The following SHANK1 variants were observed in gnomAD, a reference collection of about 807,000 sequenced individuals.
SHANK1 encodes SH3 and multiple ankyrin repeat domains protein 1.
In SHANK1, 35 loss-of-function variants were observed where a neutral mutation model predicts 165.6. The ratio of observed to expected loss-of-function variants is 0.21; its 90% CI spans 0.16 to 0.28. The LOEUF (loss-of-function observed/expected upper bound fraction) is 0.28, where lower values mean the gene tolerates loss of function less well. Among genes scored for constraint, SHANK1 ranks in the 10% least tolerant of loss-of-function variants. SHANK1 has a pLI of 1.00. For missense variants in SHANK1, 2,681 were observed against 3,036.4 expected (o/e 0.88, Z 2.75); for synonymous variants, 1,428 against 1,384.8 (o/e 1.03, Z -0.69).
In SHANK1 at chr19:50,686,867, C is replaced by A; in HGVS notation, c.2390-55G>T. The A allele has an allele frequency of 6.2e-7, 1 of 1,600,602 alleles. No individual in the cohort carries two copies. Among genetic ancestry groups the A allele is most frequent in the East Asian group, 2.3e-5 (1 of 44,354 alleles). On this transcript the variant is annotated intron_variant, in intron 19 of 23. Transcript: ENST00000293441. The surrounding 1 kb of genome is among the most constrained non-coding windows in gnomAD (Gnocchi z 5.7). ...GGGAGCCCCCGGGGGCGGGGCGGAGCGGGCTCGGCCTGTGGGCGTGGCCAG... is the reference window on the plus strand; with the variant it reads ...GGGAGCCCCCGGGGGCGGGGCGGAGAGGGCTCGGCCTGTGGGCGTGGCCAG...
chr19:50,669,111 CGAGGGGAGGGGG>C lies in SHANK1; in HGVS notation c.2837_2848del (p.Thr946_Pro949del). ...AGAGCCAGGGTTGAAGGGCCCTCCC[CGAGGGGAGGGGG>C]TGAGGCGCCCTGAGGAGGAGGGGAC... On this transcript the variant is annotated inframe_deletion, in exon 23 of 24. Transcript: ENST00000293441. The C allele has an allele frequency of 6.7e-7, 1 of 1,483,926 alleles. No individual in the cohort carries two copies. The highest frequency in any genetic ancestry group is 9.0e-7 in the Non-Finnish European group (1 of 1,115,510). The allele number at this position is 1,483,926 out of a possible 1,614,324, so 91.9% of individuals were successfully genotyped here. A position where few individuals can be genotyped will look rare whatever the true frequency, so the allele number is the denominator to read the frequency against.
rs997254579 is a variant in SHANK1 at position 50,697,319 on chromosome 19, C to T, written c.1938-197G>A. ...GCCTCCAGCCAGCCAGACATAAGAG[C>T]GCCCCGGCCCCCCCAGGCATCCCCA... On this transcript the variant is annotated intron_variant, in intron 14 of 23. Transcript: ENST00000293441. This position sits in a 1 kb window ranked among gnomAD's most constrained non-coding sequence, Gnocchi z 4.7. 4.1e-5 allele frequency among the ~76,000 whole-genome samples: 6 copies of T among 148,132 alleles called. No homozygotes were observed. The highest frequency in any genetic ancestry group is 4.3e-4 in the South Asian group (2 of 4,642).
In SHANK1 at chr19:50,704,231, A is replaced by T. The variant is rs1348618981; in HGVS notation, c.1156-45T>A. On this transcript the variant is annotated intron_variant, in intron 9 of 23. Coordinates refer to ENST00000293441, the MANE Select transcript of SHANK1 (RefSeq NM_016148.5). ...GCAGGTCGGCCAGGGGGGCCCAGGC[A>T]GCAGAGAGAGGGCAGGGAACGTGGC... 1.9e-6 allele frequency: 3 copies of T among 1,583,154 alleles called. No homozygotes were observed. The African/African-American group carries it at 4.0e-5, about 21-fold the overall frequency.
At chr19:50,696,150 C>T (rs147922249) in intron 15 of SHANK1, among the ~76,000 whole-genome samples, 2,159 of 152,218 alleles carry the variant, frequency 0.014, 27 homozygotes, top group Middle Eastern at 0.021. Context: ...CTGAGGGTGA[C>T]GGGGACCACC....
At chr19:50,711,305 G>T in intron 8 of SHANK1, 66 bp downstream of exon 8, 2 of 1,043,096 alleles carry the variant, frequency 1.9e-6, no homozygotes, top group Non-Finnish European at 2.9e-6. Context: ...GAGTGTCTGA[G>T]CTTGGCCCTG....
At position 50,686,585 on chromosome 19, in the gene SHANK1, A is replaced by G. The variant is rs1487505654; in HGVS notation, c.2458+159T>C. Among the ~76,000 whole-genome samples, 1 of 150,142 alleles carries G rather than the reference A, an allele frequency of 6.7e-6. No homozygotes were observed. Among genetic ancestry groups the G allele is most frequent in the Non-Finnish European group, 1.5e-5 (1 of 67,528 alleles). ...AAGGGGTGCGGGCAGGGAACGGGGC[A>G]GCCGTCGGGAGAGGGCGGGCGGAGG... On this transcript the variant is annotated intron_variant, in intron 20 of 23. Coordinates refer to ENST00000293441, the MANE Select transcript of SHANK1 (RefSeq NM_016148.5). This position sits in a 1 kb window ranked among gnomAD's most constrained non-coding sequence, Gnocchi z 5.7.
Position 50,668,881 on chromosome 19 carries a change from C to T in SHANK1, c.3079G>A (p.Glu1027Lys), listed in dbSNP as rs1985679262. ...HAHPPHPPEM[E>K]TGGSPDDPPP... ...GGGTCGTCGGGAGAGCCGCCTGTCT[C>T]CATCTCGGGAGGATGAGGGGGGTGG... The change falls in exon 23 of 24, where the codon GAG (glutamate) becomes AAG (lysine). Residue 1027 changes from glutamate to lysine, a missense_variant. Physicochemically the swap from Glu to Lys is moderately conservative, Grantham distance 56 (BLOSUM62 1). This residue lies in a region of SHANK1 where 1,713 missense variants were observed against 1,630.2 expected (regional missense o/e 1.05). Coordinates refer to ENST00000293441, the MANE Select transcript of SHANK1 (RefSeq NM_016148.5). The T allele has an allele frequency of 4.6e-6, 6 of 1,301,316 alleles. No individual in the cohort carries two copies. Among genetic ancestry groups the T allele is most frequent in the Non-Finnish European group, 5.8e-6 (6 of 1,031,036 alleles). 80.6% of individuals were successfully genotyped at this position (1,301,316 alleles called of 1,614,324 possible).
rs1360819942 is a variant in SHANK1 at position 50,668,606 on chromosome 19, G to C, written c.3354C>G (p.Gly1118=). The C allele has an allele frequency of 7.3e-7, 1 of 1,371,490 alleles. No homozygotes were observed. The highest frequency in any genetic ancestry group is 9.5e-7 in the Non-Finnish European group (1 of 1,058,132). 85.0% of individuals were successfully genotyped at this position (1,371,490 alleles called of 1,614,324 possible). A position where few individuals can be genotyped will look rare whatever the true frequency, so the allele number is the denominator to read the frequency against. The change falls in exon 23 of 24, where the codon GGC becomes GGG. Residue 1118 remains glycine (G), a synonymous_variant. Transcript: ENST00000293441. The part of the protein sequence containing the change: ...GPLVKQTKVE[G]EPQKGGGLPP... ...GGAGGCCGCCGCCCTTCTGGGGCTC[G>C]CCTTCCACCTTGGTCTGCTTGACCA...
chr19:50,707,362 T>C (rs2088952473), intron 8 of SHANK1, among the ~76,000 whole-genome samples: 1 of 152,180 alleles, frequency 6.6e-6, no homozygotes, highest in Non-Finnish European at 1.5e-5. Context: ...AGCTCAACTC[T>C]ACCCCAGCGC....
rs1316322886 is a variant in SHANK1 at position 50,716,928 on chromosome 19, CACGGGGCGACGGGGG to C, written c.-24_-10del. 1 of 1,424,158 alleles carries C rather than the reference CACGGGGCGACGGGGG, an allele frequency of 7.0e-7. No homozygotes were observed. The highest frequency in any genetic ancestry group is 1.4e-5 in the African/African-American group (1 of 69,080). The allele number at this position is 1,424,158 out of a possible 1,614,324, so 88.2% of individuals were successfully genotyped here. A position where few individuals can be genotyped will look rare whatever the true frequency, so the allele number is the denominator to read the frequency against. ...GCGGGGCTGTGGGTCATTGTGGGGC[CACGGGGCGACGGGGG>C]ACGGCAGCATCACAGGCGGCTGCAG... On this transcript the variant is annotated 5_prime_UTR_variant, in exon 2 of 24. Transcript: ENST00000293441. The surrounding 1 kb of genome is among the most constrained non-coding windows in gnomAD (Gnocchi z 8.4).
In SHANK1 at chr19:50,711,929, G is replaced by A; in HGVS notation, c.960+18C>T. 1 of 1,613,844 alleles carries A rather than the reference G, an allele frequency of 6.2e-7. No individual in the cohort carries two copies. The highest frequency in any genetic ancestry group is 8.5e-7 in the Non-Finnish European group (1 of 1,179,996). On this transcript the variant is annotated intron_variant, in intron 7 of 23. Transcript: ENST00000293441. The stretch of plus-strand genomic sequence containing the variant: ...TGGGTCCCCCACCCCAGCCCTTCAT[G>A]GCCTGAATCAGGAGCACCTGGTGGA...
intron 21 of SHANK1, among the ~76,000 whole-genome samples, chr19:50,675,830 C>T (rs949087057): frequency 1.9e-4 from 29 of 152,066 alleles, no homozygotes; most frequent in Admixed American, 1.9e-3. Flanking sequence ...GGTGAAACCC[C>T]ATCTCTACTA....
rs752183166 is a variant in SHANK1 at position 50,668,374 on chromosome 19, A to AGCCGCC, written c.3580_3585dup (p.Gly1194_Gly1195dup). 7.9e-6 allele frequency: 10 copies of AGCCGCC among 1,269,040 alleles called. No homozygotes were observed. Among genetic ancestry groups the AGCCGCC allele is most frequent in the South Asian group, 6.5e-5 (2 of 30,638 alleles). The allele number at this position is 1,269,040 out of a possible 1,614,324, so 78.6% of individuals were successfully genotyped here. A position where few individuals can be genotyped will look rare whatever the true frequency, so the allele number is the denominator to read the frequency against. On this transcript the variant is annotated inframe_insertion, in exon 23 of 24. Transcript: ENST00000293441. ...ATGGCCGGGGCGGGGCTGGGCGAGG[A>AGCCGCC]GCCGCCGCCGCCGCCGCCTCCCGTG...
chr19:50,662,366 A>G lies in SHANK1; in HGVS notation c.6085T>C (p.Tyr2029His). 1 of 1,589,248 alleles carries G rather than the reference A, an allele frequency of 6.3e-7. No individual in the cohort carries two copies. The highest frequency in any genetic ancestry group is 8.6e-7 in the Non-Finnish European group (1 of 1,166,128). ...SLPILPSGPL[Y>H]PGLFDIRGSP... is the part of the protein sequence containing the mutation. ...CCACGGATGTCAAAGAGGCCTGGGT[A>G]GAGGGGTCCGGAAGGCAGGATGGGC... The change falls in exon 24 of 24, where the codon TAC becomes CAC. Residue 2029 changes from tyrosine to histidine, a missense_variant. Around this residue, in one of 10 missense-constraint regions of SHANK1, gnomAD observed 1,713 missense variants for 1,630.2 expected, o/e 1.05. Coordinates refer to ENST00000293441, the MANE Select transcript of SHANK1 (RefSeq NM_016148.5). This position sits in a 1 kb window ranked among gnomAD's most constrained non-coding sequence, Gnocchi z 7.7.
intron 21 of SHANK1, among the ~76,000 whole-genome samples, chr19:50,678,304 G>A (rs978337489): frequency 3.9e-5 from 6 of 152,064 alleles, no homozygotes; most frequent in Admixed American, 1.3e-4. Context: ...GGAAGCACAC[G>A]GGGACTGCTG....
intron 21 of SHANK1, among the ~76,000 whole-genome samples, chr19:50,682,947 C>T (rs1986221596): frequency 6.6e-6 from 1 of 152,072 alleles, no homozygotes; most frequent in Admixed American, 6.6e-5. Context: ...CTCTTCAGCC[C>T]CCAGAGTAGC....
At position 50,671,478 on chromosome 19, in the gene SHANK1, C is replaced by T. The variant is rs138392699; in HGVS notation, c.2674+540G>A. Among the ~76,000 whole-genome samples the T allele has an allele frequency of 6.9e-3, 953 of 138,672 alleles. 11 individuals are homozygous for T. The highest frequency in any genetic ancestry group is 0.027 in the African/African-American group (903 of 33,796). The allele number at this position is 138,672 out of a possible 152,430, so 91.0% of individuals were successfully genotyped here. ...GATTACAGGCGTGAGCCGCTGCGCCCGGCCCACTCTTTTTTTTGTTTTCCA... is the reference window on the plus strand; with the variant it reads ...GATTACAGGCGTGAGCCGCTGCGCCTGGCCCACTCTTTTTTTTGTTTTCCA... On this transcript the variant is annotated intron_variant, in intron 22 of 23. Coordinates refer to ENST00000293441, the MANE Select transcript of SHANK1 (RefSeq NM_016148.5).
intron 8 of SHANK1, among the ~76,000 whole-genome samples, chr19:50,710,000 C>T (rs1461643689): frequency 6.6e-6 from 1 of 152,176 alleles, no homozygotes; most frequent in Non-Finnish European, 1.5e-5. Flanking sequence ...TACACGATGG[C>T]TCACCCTCGT....
Position 50,703,513 on chromosome 19 carries a change from G to A in SHANK1, c.1540C>T (p.Arg514Ter). The change falls in exon 11 of 24, where the codon CGA becomes TGA. Residue 514 changes from arginine (R) to a stop codon, truncating the protein, a stop_gained. Coordinates refer to ENST00000293441, the MANE Select transcript of SHANK1 (RefSeq NM_016148.5). LOFTEE classifies it high-confidence loss of function. Reference protein sequence around the residue: ...RHPEDAKRQPRGRPSSSGTPR... With the variant: ...RHPEDAKRQP ...TGCCTCCCCTACCTGGGCCGGCCTC[G>A]GGGCTGCCTCTTGGCGTCCTCAGGG... 6.5e-7 allele frequency: 1 copy of A among 1,541,552 alleles called. No homozygotes were observed. The highest frequency in any genetic ancestry group is 8.7e-7 in the Non-Finnish European group (1 of 1,149,602).
Sources: gnomAD v4.1 joint callset for allele counts (sites outside exome capture counted in the v4.1 genomes callset) on GRCh38, gnomAD v4.1.1 for gene constraint, gnomAD v4.1.1 regional missense constraint, Gnocchi (gnomAD v3.1) non-coding constraint, MANE v1.5 for transcripts, NCBI Gene and HGNC (gene_info 2026-07-23, HGNC 2026-07-21) for gene names.